The following CD99 variants were observed in gnomAD, a reference collection of about 807,000 sequenced individuals.
CD99 encodes the protein CD99 antigen.
A neutral mutation model predicts 28.4 loss-of-function variants in CD99; 19 were observed. The ratio of observed to expected loss-of-function variants is 0.67; its 90% CI spans 0.47 to 0.98. The LOEUF (loss-of-function observed/expected upper bound fraction) is 0.98. Among genes scored for constraint, CD99 ranks in the 50% least tolerant of loss-of-function variants. CD99 has a pLI of 0.00. For synonymous variants in CD99, 103 were observed against 92.1 expected, an observed-to-expected ratio of 1.12 and a Z score of -0.67; for missense variants, 283 against 248.8, an observed-to-expected ratio of 1.14 and a Z score of -0.92.
chrX:2,692,923 C>T (rs765711628), intron 1 of CD99, among the ~76,000 whole-genome samples: 2 of 152,088 alleles, frequency 1.3e-5, no homozygotes, highest in East Asian at 1.9e-4. Flanking sequence ...AACAGGCAGA[C>T]GGGAGACAGG....
chrX:2,704,121 G>T, intron 1 of CD99, among the ~76,000 whole-genome samples: 1 of 152,172 alleles, frequency 6.6e-6, no homozygotes, highest in Non-Finnish European at 1.5e-5. Flanking sequence ...CCCTCGCAGG[G>T]CGATTCTGAG....
Position 2,719,721 on chromosome X carries a change from T to C in CD99, c.193+16T>C, listed in dbSNP as rs2048904990. 3 of 1,610,216 alleles carry C rather than the reference T, an allele frequency of 1.9e-6. No individual in the cohort carries two copies. Among genetic ancestry groups the C allele is most frequent in the African/African-American group, 1.3e-5 (1 of 74,830 alleles). ...GGAGAAAATGGTGAGTATTTTCCTTTAATCTCTTCTGCTGCTGATCTGCTT... is the reference window on the plus strand; with the variant it reads ...GGAGAAAATGGTGAGTATTTTCCTTCAATCTCTTCTGCTGCTGATCTGCTT... On this transcript the variant is annotated intron_variant, in intron 4 of 9. Transcript: ENST00000381192.
chrX:2,718,429 C>T (rs1437019666), intron 3 of CD99, among the ~76,000 whole-genome samples: 4 of 149,662 alleles, frequency 2.7e-5, no homozygotes, highest in Non-Finnish European at 5.9e-5. Context: ...AGTGCAGTGG[C>T]GCAATCTCGG....
At chrX:2,718,228 G>T (rs1420469103) in intron 3 of CD99, among the ~76,000 whole-genome samples, 2 of 147,392 alleles carry the variant, frequency 1.4e-5, no homozygotes, top group Non-Finnish European at 3.1e-5. Context: ...ACCATGCACG[G>T]CCTGTGTCTT....
intron 2 of CD99, chrX:2,717,361 A>AAAG (rs1448888821): frequency 2.0e-6 from 1 of 500,800 alleles, no homozygotes; most frequent in Non-Finnish European, 3.6e-6. Flanking sequence ...AAAAAAAAAA[A>AAAG]AAGAAGTGGA....
Position 2,740,906 on chromosome X carries a change from C to T in CD99, c.*102C>T. The T allele has an allele frequency of 2.4e-6, 3 of 1,226,844 alleles. No homozygotes were observed. In the South Asian group the frequency reaches 3.6e-5, roughly 15 times the overall value. 76.0% of individuals were successfully genotyped at this position (1,226,844 alleles called of 1,614,324 possible). ...CCTGCCTGAGAGCAGAGATGGAGGC[C>T]TTCTGTTCACGGCGGATTCTTTGTT... On this transcript the variant is annotated 3_prime_UTR_variant, in exon 10 of 10. Coordinates refer to ENST00000381192, the MANE Select transcript of CD99 (RefSeq NM_002414.5).
At chrX:2,703,363 A>G (rs2047959230) in intron 1 of CD99, among the ~76,000 whole-genome samples, 1 of 152,120 alleles carries the variant, frequency 6.6e-6, no homozygotes, top group African/African-American at 2.4e-5. Flanking sequence ...GGCACGAGTT[A>G]TAGTGCTGTT....
At chrX:2,719,522 A>G in intron 3 of CD99, 139 bp from the exon 4 acceptor site, 1 of 729,696 alleles carries the variant, frequency 1.4e-6, no homozygotes, top group South Asian at 1.7e-5. Context: ...ACTTTTTCTA[A>G]TGAGATCCTG....
intron 8 of CD99, among the ~76,000 whole-genome samples, chrX:2,727,708 C>T (rs1329240863): frequency 6.6e-6 from 1 of 152,148 alleles, no homozygotes; most frequent in African/African-American, 2.4e-5. Context: ...AACTCCTCAC[C>T]TCAAGTGATC....
intron 1 of CD99, among the ~76,000 whole-genome samples, chrX:2,698,357 C>T (rs2047676376): frequency 2.6e-5 from 4 of 151,956 alleles, no homozygotes; most frequent in Admixed American, 6.6e-5. Context: ...TTTGTAGAAT[C>T]GGAGTCTGAC....
chrX:2,734,927 C>T (rs1367830012), intron 8 of CD99, among the ~76,000 whole-genome samples: 1 of 152,110 alleles, frequency 6.6e-6, no homozygotes, highest in Non-Finnish European at 1.5e-5. Context: ...GTTTGATCCT[C>T]CTGTGTTGGG....
chrX:2,699,949 C>T (rs143996335), intron 1 of CD99, among the ~76,000 whole-genome samples: 74 of 152,306 alleles, frequency 4.9e-4, no homozygotes, highest in African/African-American at 1.6e-3. Context: ...TCATCTTCAG[C>T]GAGCCCTTAA....
At position 2,717,588 on chromosome X, in the gene CD99, A is replaced by C; in HGVS notation, c.101-17A>C. 1 of 1,609,682 alleles carries C rather than the reference A, an allele frequency of 6.2e-7. No homozygotes were observed. The highest frequency in any genetic ancestry group is 1.1e-5 in the South Asian group (1 of 90,976). ...CCAGCTGCAACTTTTACTAACTGAA[A>C]TATCTTATCTCTTTAGACAATGAAA... is the stretch of plus-strand genomic sequence containing the variant. On this transcript the variant is annotated splice_polypyrimidine_tract_variant and intron_variant, in intron 2 of 9. Coordinates refer to ENST00000381192, the MANE Select transcript of CD99 (RefSeq NM_002414.5).
chrX:2,702,487 C>T (rs1288755834), intron 1 of CD99, among the ~76,000 whole-genome samples: 3 of 152,196 alleles, frequency 2.0e-5, no homozygotes, highest in South Asian at 2.1e-4. Context: ...CCTAGGTACA[C>T]GCAATCTTCA....
At chrX:2,731,970 T>TAA (rs113396691) in intron 8 of CD99, among the ~76,000 whole-genome samples, 8,547 of 147,750 alleles carry the variant, frequency 0.058, 733 homozygotes, top group African/African-American at 0.19. Context: ...ACAAAAAACG[T>TAA]AAAAAAAAAA....
chrX:2,721,913 A>G (rs1043667670), intron 5 of CD99, among the ~76,000 whole-genome samples: 7 of 152,306 alleles, frequency 4.6e-5, no homozygotes, highest in African/African-American at 1.4e-4. Flanking sequence ...CTAGCATTCA[A>G]ATAGTTTAGA....
At chrX:2,715,210 C>CT (rs35281537) in intron 2 of CD99, 64,042 of 152,028 alleles carry the variant, frequency 0.42, 14,080 homozygotes, top group Non-Finnish European at 0.47. Flanking sequence ...TCTTATCACT[C>CT]TATCAGCTTC....
intron 7 of CD99, 58 bp downstream of exon 7, chrX:2,723,422 G>C: frequency 6.3e-7 from 1 of 1,586,278 alleles, no homozygotes; most frequent in Non-Finnish European, 8.7e-7. Flanking sequence ...AGAAGGGGAA[G>C]CAGAATGTCT....
At chrX:2,722,842 G>A in intron 6 of CD99, 168 bp downstream of exon 6, 1 of 230,392 alleles carries the variant, frequency 4.3e-6, no homozygotes, top group Non-Finnish European at 7.2e-6. Context: ...CAAGGATGTG[G>A]GAAGTAAAGG....
Sources: allele counts gnomAD v4.1 joint callset (sites outside exome capture counted in the v4.1 genomes callset), GRCh38; gene constraint gnomAD v4.1.1; transcripts MANE v1.5; gene names NCBI Gene and HGNC (gene_info 2026-07-23, HGNC 2026-07-21).